PSKH1: variants seen among roughly 807,000 people sequenced by gnomAD.
PSKH1 encodes protein serine kinase H1.
PSKH1 carries 12 observed loss-of-function variants against 26.7 expected under a neutral mutation model. That is an observed-to-expected ratio of 0.45 (90% CI 0.29 to 0.73). The LOEUF (loss-of-function observed/expected upper bound fraction) is 0.73, where lower values mean the gene tolerates loss of function less well. Among genes scored for constraint, PSKH1 ranks in the 30% least tolerant of loss-of-function variants. The pLI is 0.11. For missense variants in PSKH1, 431 were observed against 595.2 expected (o/e 0.72, Z 2.87); for synonymous variants, 213 against 234.3 (o/e 0.91, Z 0.83).
At chr16:67,915,208 AGTGTGTGTGTGT>A (rs10599179) in intron 2 of PSKH1, among the ~76,000 whole-genome samples, 6 of 143,896 alleles carry the variant, frequency 4.2e-5, no homozygotes, top group African/African-American at 5.3e-5. Context: ...AGAGAGAGAG[AGTGTGTGTGTGT>A]GTGTGTGTGT....
chr16:67,918,334 G>T (rs1341982023), intron 2 of PSKH1, among the ~76,000 whole-genome samples: 1 of 152,034 alleles, frequency 6.6e-6, no homozygotes, highest in East Asian at 1.9e-4. Context: ...CTGAGCTGTG[G>T]GTGAGCCCAG....
chr16:67,910,075 AG>A, intron 2 of PSKH1: 1 of 440,718 alleles, frequency 2.3e-6, no homozygotes, highest in Non-Finnish European at 4.0e-6. Flanking sequence ...GTACCACCAA[AG>A]AGCAGGAACG....
chr16:67,896,413 GGTCTT>G (rs1396314331), intron 1 of PSKH1, among the ~76,000 whole-genome samples: 1 of 152,032 alleles, frequency 6.6e-6, no homozygotes, highest in Non-Finnish European at 1.5e-5. Flanking sequence ...CCGGCTAGAA[GGTCTT>G]GTCTTAATAA....
In PSKH1 at chr16:67,928,395, T is replaced by C. The variant is rs1490425198; in HGVS notation, c.*753T>C. ...TCTCAGCCCACCGCCCTTGGTGCCT[T>C]CTTTGTAGAGCCCACCGCTACCTCC... On this transcript the variant is annotated 3_prime_UTR_variant, in exon 3 of 3. Transcript: ENST00000291041. The surrounding 1 kb of genome is among the most constrained non-coding windows in gnomAD (Gnocchi z 4.8). 6.6e-6 allele frequency: 1 copy of C among 152,646 alleles called. No individual in the cohort carries two copies. The highest frequency in any genetic ancestry group is 2.4e-5 in the African/African-American group (1 of 41,398). 9.5% of individuals were successfully genotyped at this position (152,646 alleles called of 1,614,324 possible). A position where few individuals can be genotyped will look rare whatever the true frequency, so the allele number is the denominator to read the frequency against.
At chr16:67,917,352 C>G (rs977336573) in intron 2 of PSKH1, among the ~76,000 whole-genome samples, 1 of 152,230 alleles carries the variant, frequency 6.6e-6, no homozygotes. Context: ...TGCCTCAGCA[C>G]GTTGCTGGTT....
intron 1 of PSKH1, among the ~76,000 whole-genome samples, chr16:67,900,168 GC>G (rs1241691216): frequency 6.6e-6 from 1 of 151,834 alleles, no homozygotes; most frequent in Non-Finnish European, 1.5e-5. Flanking sequence ...CACCATGTTG[GC>G]CAGGCTGATC....
At chr16:67,900,355 C>T (rs1044599743) in intron 1 of PSKH1, among the ~76,000 whole-genome samples, 3 of 152,162 alleles carry the variant, frequency 2.0e-5, no homozygotes, top group Admixed American at 6.5e-5. Context: ...AAGGGTCTGA[C>T]AGCTGTAGTG....
rs2058167602 is a variant in PSKH1 at position 67,909,652 on chromosome 16, C to T, written c.903C>T (p.Asn301=). 6.2e-7 allele frequency: 1 copy of T among 1,613,770 alleles called. No individual in the cohort carries two copies. The highest frequency in any genetic ancestry group is 8.5e-7 in the Non-Finnish European group (1 of 1,180,038). The part of the protein sequence containing the change: ...LSGTMPFEDD[N]RTRLYRQILR... The stretch of plus-strand genomic sequence containing the variant: ...GCACCATGCCGTTTGAGGATGACAA[C>T]CGTACCCGGCTGTACCGGCAGATCC... The change falls in exon 2 of 3, where the codon AAC becomes AAT. Residue 301 remains asparagine, a synonymous_variant. Transcript: ENST00000291041. The surrounding 1 kb of genome is among the most constrained non-coding windows in gnomAD (Gnocchi z 7.8).
intron 1 of PSKH1, among the ~76,000 whole-genome samples, chr16:67,897,825 T>A (rs935575159): frequency 4.6e-5 from 7 of 152,038 alleles, no homozygotes; most frequent in African/African-American, 1.7e-4. Context: ...TGGCTGGGAC[T>A]ACAGGCACAC....
chr16:67,917,103 A>G (rs1399517798), intron 2 of PSKH1, among the ~76,000 whole-genome samples: 1 of 152,242 alleles, frequency 6.6e-6, no homozygotes, highest in Non-Finnish European at 1.5e-5. Flanking sequence ...TGTGGTGCCC[A>G]CTAAGTAGCA....
At chr16:67,895,566 G>A (rs1173650836) in intron 1 of PSKH1, among the ~76,000 whole-genome samples, 4 of 151,812 alleles carry the variant, frequency 2.6e-5, no homozygotes, top group African/African-American at 9.7e-5. Context: ...GCATCACCAC[G>A]CCCAGCTAAT....
Position 67,909,767 on chromosome 16 carries a change from C to A in PSKH1, c.957+61C>A. Reference sequence around the variant, plus strand: ...AGGCACCTGCGGGGGCAGGTATATCCTGCAGCTCTCAGTCAGAGGTATGTC... The same window carrying A: ...AGGCACCTGCGGGGGCAGGTATATCATGCAGCTCTCAGTCAGAGGTATGTC... On this transcript the variant is annotated intron_variant, in intron 2 of 2. Transcript: ENST00000291041. This position sits in a 1 kb window ranked among gnomAD's most constrained non-coding sequence, Gnocchi z 7.8. 1 of 1,462,638 alleles carries A rather than the reference C, an allele frequency of 6.8e-7. No individual in the cohort carries two copies. The highest frequency in any genetic ancestry group is 1.8e-5 in the Admixed American group (1 of 54,234). The allele number at this position is 1,462,638 out of a possible 1,614,324, so 90.6% of individuals were successfully genotyped here.
chr16:67,915,316 G>A (rs1040764925), intron 2 of PSKH1, among the ~76,000 whole-genome samples: 2 of 152,066 alleles, frequency 1.3e-5, no homozygotes, highest in African/African-American at 2.4e-5. Flanking sequence ...TCCAGCTCCA[G>A]AGGCAAATCC....
intron 1 of PSKH1, among the ~76,000 whole-genome samples, chr16:67,894,873 C>T (rs1429195672): frequency 2.0e-5 from 3 of 151,302 alleles, no homozygotes; most frequent in Non-Finnish European, 4.4e-5. Context: ...CCAAAATCTC[C>T]TGGGATAATT....
At chr16:67,908,426 C>T (rs756818814) in intron 1 of PSKH1, among the ~76,000 whole-genome samples, 1 of 152,192 alleles carries the variant, frequency 6.6e-6, no homozygotes, top group African/African-American at 2.4e-5. Flanking sequence ...TGTGCCACCA[C>T]GCCTGGCTAA....
At chr16:67,915,344 C>T (rs2058184989) in intron 2 of PSKH1, among the ~76,000 whole-genome samples, 1 of 151,938 alleles carries the variant, frequency 6.6e-6, no homozygotes, top group Non-Finnish European at 1.5e-5. Flanking sequence ...TTCTGGTGGC[C>T]CTTATCTGTG....
At chr16:67,921,783 G>A (rs1193932040) in intron 2 of PSKH1, among the ~76,000 whole-genome samples, 3 of 152,078 alleles carry the variant, frequency 2.0e-5, no homozygotes, top group African/African-American at 7.2e-5. Flanking sequence ...ATTGCAAAGC[G>A]AGCAAATAGC....
chr16:67,908,645 C>T, intron 1 of PSKH1, 35 bp from the exon 2 acceptor site: 1 of 984,678 alleles, frequency 1.0e-6, no homozygotes, highest in South Asian at 1.7e-5. Flanking sequence ...TAGAGTTGGC[C>T]TGGCTGTGCT....
rs1295521636 is a variant in PSKH1, at chr16:67,927,002, C to A, written c.958-323C>A. 6.6e-6 allele frequency among the ~76,000 whole-genome samples: 1 copy of A among 152,150 alleles called. No individual in the cohort carries two copies. The highest frequency in any genetic ancestry group is 2.4e-5 in the African/African-American group (1 of 41,426). ...AGTTTGAATCATTCTCTAACAGTCC[C>A]CTGAGTTATGATACTCCTGGGACAA... On this transcript the variant is annotated intron_variant, in intron 2 of 2. Transcript: ENST00000291041. The surrounding 1 kb of genome is among the most constrained non-coding windows in gnomAD (Gnocchi z 5.5).
Sources: gnomAD v4.1 joint callset for allele counts (sites outside exome capture counted in the v4.1 genomes callset) on GRCh38, gnomAD v4.1.1 for gene constraint, Gnocchi (gnomAD v3.1) non-coding constraint, MANE v1.5 for transcripts, NCBI Gene and HGNC (gene_info 2026-07-23, HGNC 2026-07-21) for gene names.